The following LRRC7 variants were observed in gnomAD, a reference collection of about 807,000 sequenced individuals.
LRRC7 encodes leucine-rich repeat-containing protein 7.
LRRC7 carries 23 observed loss-of-function variants against 175.7 expected under a neutral mutation model. The observed-to-expected ratio is 0.13, with a 90% confidence interval of 0.09 to 0.19. LRRC7 has a LOEUF of 0.19. LRRC7 is among the 10% of genes least tolerant of loss of function. The pLI, the probability that LRRC7 is intolerant of heterozygous loss-of-function variation, is 1.00. For missense variants in LRRC7, 1,354 were observed against 1,904.7 expected (o/e 0.71, Z 5.38); for synonymous variants, 685 against 680.9 (o/e 1.01, Z -0.09).
At chr1:69,700,617 G>T (rs1447145420) in intron 2 of LRRC7, among the ~76,000 whole-genome samples, 2 of 152,168 alleles carry the variant, frequency 1.3e-5, no homozygotes, top group Non-Finnish European at 2.9e-5. Context: ...AGCCCCAAAA[G>T]AAAATGACGT....
chr1:70,026,924 C>A (rs866348123), intron 17 of LRRC7, among the ~76,000 whole-genome samples: 1 of 152,018 alleles, frequency 6.6e-6, no homozygotes, highest in Non-Finnish European at 1.5e-5. Flanking sequence ...TGCAGATGGG[C>A]AAAAGTGTTT....
intron 7 of LRRC7, among the ~76,000 whole-genome samples, chr1:69,929,280 T>C (rs1374865893): frequency 1.3e-5 from 2 of 152,212 alleles, no homozygotes; most frequent in African/African-American, 4.8e-5. Context: ...CTTTTCTTGA[T>C]GTCTATGCTT....
At chr1:70,083,719 A>G (rs1232221583) in intron 24 of LRRC7, among the ~76,000 whole-genome samples, 2 of 152,056 alleles carry the variant, frequency 1.3e-5, no homozygotes, top group African/African-American at 2.4e-5. Flanking sequence ...ACTCTACCAA[A>G]CCTACTTCCC....
intron 1 of LRRC7, among the ~76,000 whole-genome samples, chr1:69,635,893 A>G (rs1653276823): frequency 6.6e-6 from 1 of 152,044 alleles, no homozygotes; most frequent in South Asian, 2.1e-4. Context: ...CTAATAGCAG[A>G]TATTAAATTA....
intron 1 of LRRC7, among the ~76,000 whole-genome samples, chr1:69,643,626 T>G (rs1420499992): frequency 6.6e-6 from 1 of 152,156 alleles, no homozygotes; most frequent in Non-Finnish European, 1.5e-5. Flanking sequence ...CTAGGTCATG[T>G]GATGGATGGA....
intron 3 of LRRC7, among the ~76,000 whole-genome samples, chr1:69,774,409 A>G (rs557320278): frequency 6.6e-6 from 1 of 152,234 alleles, no homozygotes; most frequent in Non-Finnish European, 1.5e-5. Flanking sequence ...GAACAAAAAA[A>G]AACTTTTATG....
At chr1:70,115,068 G>C (rs759384705) in intron 26 of LRRC7, among the ~76,000 whole-genome samples, 10 of 152,146 alleles carry the variant, frequency 6.6e-5, no homozygotes, top group Non-Finnish European at 1.2e-4. Context: ...AAAGAAAATG[G>C]TGTTTATTTG....
chr1:69,921,640 A>G (rs1002293955), intron 7 of LRRC7, among the ~76,000 whole-genome samples: 7 of 152,152 alleles, frequency 4.6e-5, no homozygotes, highest in African/African-American at 1.7e-4. Flanking sequence ...CCCCAATTAT[A>G]TCCCACATGA....
At chr1:70,001,541 T>G (rs1655521687) in intron 11 of LRRC7, among the ~76,000 whole-genome samples, 1 of 152,206 alleles carries the variant, frequency 6.6e-6, no homozygotes, top group Non-Finnish European at 1.5e-5. Flanking sequence ...TAATGAAACA[T>G]TCTATCTGTA....
Position 69,653,498 on chromosome 1 carries a change from AAAG to A in LRRC7, c.3-24880_3-24878del, listed in dbSNP as rs535136894. On this transcript the variant is annotated intron_variant, in intron 1 of 26. Transcript: ENST00000651989. ...AGCAAGTATGCGTGCTAATAAAAAAAAAGAAAACTGTTAGCAGGGATGTGGACA... is the reference window on the plus strand; with the variant it reads ...AGCAAGTATGCGTGCTAATAAAAAAAAAAACTGTTAGCAGGGATGTGGACA... Among the ~76,000 whole-genome samples, 378 of 152,222 alleles carry A rather than the reference AAAG, an allele frequency of 2.5e-3. 4 individuals are homozygous for A. Among genetic ancestry groups the A allele is most frequent in the Admixed American group, 0.017 (262 of 15,264 alleles).
chr1:69,650,061 CTCTT>C (rs1316018585), intron 1 of LRRC7, among the ~76,000 whole-genome samples: 2 of 152,082 alleles, frequency 1.3e-5, no homozygotes, highest in African/African-American at 4.8e-5. Flanking sequence ...GTCAGTGTGA[CTCTT>C]TCTTCTAATG....
intron 4 of LRRC7, among the ~76,000 whole-genome samples, chr1:69,801,415 ATTTCTATG>A (rs1192873749): frequency 5.3e-5 from 8 of 151,488 alleles, no homozygotes; most frequent in Non-Finnish European, 1.0e-4. Flanking sequence ...TCTGTTCAGG[ATTTCTATG>A]TATTCCTGGT....
intron 25 of LRRC7, among the ~76,000 whole-genome samples, chr1:70,101,159 A>G (rs1051425169): frequency 8.5e-5 from 13 of 152,112 alleles, no homozygotes; most frequent in Admixed American, 4.6e-4. Context: ...GTTTCCCCCT[A>G]AAAATTGAAT....
At chr1:70,062,657 T>C (rs1306566102) in intron 23 of LRRC7, among the ~76,000 whole-genome samples, 2 of 152,166 alleles carry the variant, frequency 1.3e-5, no homozygotes, top group South Asian at 2.1e-4. Context: ...ATAAGACCTT[T>C]CAGAGGCAGC....
At chr1:69,853,908 TA>T (rs1240713137) in intron 7 of LRRC7, among the ~76,000 whole-genome samples, 3 of 152,212 alleles carry the variant, frequency 2.0e-5, no homozygotes, top group African/African-American at 4.8e-5. Flanking sequence ...TACTACCTTG[TA>T]AAGCCTGGCA....
chr1:70,116,546 C>CA lies in LRRC7; in HGVS notation c.4621-5215dup, dbSNP rs11336931. ...TGGGCGACAGAGCAAGACTCCATGTCAAAAAAAAAAAAAAAAAAACACAGA... is the reference window on the plus strand; with the variant it reads ...TGGGCGACAGAGCAAGACTCCATGTCAAAAAAAAAAAAAAAAAAAACACAGA... On this transcript the variant is annotated intron_variant, in intron 26 of 26. Transcript: ENST00000651989. Among the ~76,000 whole-genome samples, 812 of 104,822 alleles carry CA rather than the reference C, an allele frequency of 7.7e-3. 9 individuals carry two copies. The highest frequency in any genetic ancestry group is 0.016 in the East Asian group (57 of 3,606). The allele number at this position is 104,822 out of a possible 152,430, so 68.8% of individuals were successfully genotyped here.
chr1:70,039,175 CCCA>C lies in LRRC7; in HGVS notation c.3354_3356del (p.Pro1119del). ...TTAGTCCTAGAGCTTACAGAGGATA[CCCA>C]CCGATGGAGCAAATGTTTTCATTTT... On this transcript the variant is annotated inframe_deletion, in exon 21 of 27. Coordinates refer to ENST00000651989, the MANE Select transcript of LRRC7 (RefSeq NM_001370785.2). 6.2e-7 allele frequency: 1 copy of C among 1,614,132 alleles called. No individual in the cohort carries two copies. The highest frequency in any genetic ancestry group is 1.3e-5 in the African/African-American group (1 of 75,034).
intron 3 of LRRC7, among the ~76,000 whole-genome samples, chr1:69,768,696 C>T (rs1671894246): frequency 6.6e-6 from 1 of 152,150 alleles, no homozygotes; most frequent in Non-Finnish European, 1.5e-5. Context: ...ATGCATAAAA[C>T]ACAGAAAATA....
intron 1 of LRRC7, among the ~76,000 whole-genome samples, chr1:69,579,707 C>T (rs530849490): frequency 6.6e-6 from 1 of 152,192 alleles, no homozygotes; most frequent in South Asian, 2.1e-4. Context: ...CCTTCTTCTC[C>T]TCCTTTCTGA....
Sources: allele counts gnomAD v4.1 joint callset (sites outside exome capture counted in the v4.1 genomes callset), GRCh38; gene constraint gnomAD v4.1.1; transcripts MANE v1.5; gene names NCBI Gene and HGNC (gene_info 2026-07-23, HGNC 2026-07-21).